Variants in GRM4 observed in about 807,000 individuals in gnomAD.
The protein encoded by GRM4 is glutamate metabotropic receptor 4, also known as metabotropic glutamate receptor 4.
Under a neutral mutation model 81.7 loss-of-function variants are expected in GRM4, and 28 were observed. That is an observed-to-expected ratio of 0.34 (90% CI 0.25 to 0.47). The LOEUF (loss-of-function observed/expected upper bound fraction) is 0.47. GRM4 is among the 20% of genes least tolerant of loss of function. GRM4 has a pLI of 1.00. For missense variants in GRM4, 948 were observed against 1,290.0 expected, an observed-to-expected ratio of 0.73 and a Z score of 4.06; for synonymous variants, 488 against 528.8, an observed-to-expected ratio of 0.92 and a Z score of 1.06.
At chr6:34,143,432 C>T (rs2127518331) in intron 1 of GRM4, among the ~76,000 whole-genome samples, 1 of 152,310 alleles carries the variant, frequency 6.6e-6, no homozygotes, top group East Asian at 1.9e-4. Flanking sequence ...TCAGCAGTCC[C>T]CAGGGCCTGC....
intron 6 of GRM4, chr6:34,054,421 C>G (rs1765765405): frequency 1.3e-5 from 2 of 152,172 alleles, no homozygotes. Context: ...GCCTCGGCCC[C>G]CCAAAGTGCT....
intron 1 of GRM4, among the ~76,000 whole-genome samples, chr6:34,144,743 T>A (rs1376542107): frequency 6.6e-6 from 1 of 152,034 alleles, no homozygotes; most frequent in African/African-American, 2.4e-5. Context: ...GATGCGCTAA[T>A]GCCGCCGCCC....
At chr6:34,140,821 T>C (rs986866154) in intron 1 of GRM4, among the ~76,000 whole-genome samples, 49 of 152,230 alleles carry the variant, frequency 3.2e-4, no homozygotes, top group African/African-American at 1.1e-3. Flanking sequence ...CTCCTCCCTC[T>C]TCCTGTCCCC....
At position 34,099,184 on chromosome 6, in the gene GRM4, C is replaced by T. The variant is rs181546139; in HGVS notation, c.520-7085G>A. On this transcript the variant is annotated intron_variant, in intron 2 of 10. Transcript: ENST00000538487. ...CAGGGCCTGGGGACCAGGCTGTCTG[C>T]GCACAGAGGTCCAGCCACAGGGGCT... is the stretch of plus-strand genomic sequence containing the variant. Among the ~76,000 whole-genome samples, 787 of 152,288 alleles carry T rather than the reference C, an allele frequency of 5.2e-3. 9 individuals carry two copies. The highest frequency in any genetic ancestry group is 0.017 in the African/African-American group (700 of 41,556).
chr6:34,045,127 C>T (rs1191434215), intron 6 of GRM4, among the ~76,000 whole-genome samples: 3 of 152,212 alleles, frequency 2.0e-5, no homozygotes, highest in Non-Finnish European at 4.4e-5. Context: ...CTAGGTGACT[C>T]CCCTGGCGGG....
rs954313583 is a variant in GRM4 at position 34,116,154 on chromosome 6, C to T, written c.519+16824G>A. The stretch of plus-strand genomic sequence containing the variant: ...TGAGGCCGAGTGAAATCAAAGTGGG[C>T]GAGCTGAAAAAGAGCAAGAAATTCC... On this transcript the variant is annotated intron_variant, in intron 2 of 10. Transcript: ENST00000538487. Among the ~76,000 whole-genome samples, 11 of 152,244 alleles carry T rather than the reference C, an allele frequency of 7.2e-5. No individual in the cohort carries two copies. The East Asian group carries it at 1.2e-3, about 16-fold the overall frequency.
rs199877596 is a variant in GRM4, at chr6:34,044,821, CACAT to C, written c.1169-4077_1169-4074del. ...ATACATACACATATATAGTCACACA[CACAT>C]AGACATACATACACATATATACATA... On this transcript the variant is annotated intron_variant, in intron 6 of 10. Transcript: ENST00000538487. 9.8e-4 allele frequency among the ~76,000 whole-genome samples: 147 copies of C among 150,534 alleles called. 2 individuals are homozygous for C. The East Asian group carries it at 0.021, about 21-fold the overall frequency.
chr6:34,067,577 C>T (rs547128644), intron 3 of GRM4, among the ~76,000 whole-genome samples: 1 of 148,602 alleles, frequency 6.7e-6, no homozygotes, highest in African/African-American at 2.5e-5. Context: ...TTCCTCTCTC[C>T]CTCCTTTCCT....
chr6:34,117,273 C>T lies in GRM4; in HGVS notation c.519+15705G>A, dbSNP rs533863880. Among the ~76,000 whole-genome samples the T allele has an allele frequency of 4.6e-3, 696 of 152,244 alleles. 4 individuals carry two copies. Among genetic ancestry groups the T allele is most frequent in the African/African-American group, 0.014 (579 of 41,526 alleles). ...AAGCTGGGGGGATTTAGAGACTGGC[C>T]TCGGGGGAAATGGAACTGAAAATGG... On this transcript the variant is annotated intron_variant, in intron 2 of 10. Coordinates refer to ENST00000538487, the MANE Select transcript of GRM4 (RefSeq NM_000841.4).
intron 6 of GRM4, among the ~76,000 whole-genome samples, chr6:34,041,007 T>C (rs1051730518): frequency 1.3e-5 from 2 of 152,104 alleles, no homozygotes; most frequent in African/African-American, 2.4e-5. Flanking sequence ...CCACCCAAGG[T>C]CCCAGAATAT....
At chr6:34,082,792 C>T (rs1767673875) in intron 3 of GRM4, among the ~76,000 whole-genome samples, 1 of 152,250 alleles carries the variant, frequency 6.6e-6, no homozygotes, top group Non-Finnish European at 1.5e-5. Flanking sequence ...CCCTGTTTGA[C>T]AAAGGTGGAA....
At chr6:34,072,555 CCACA>C (rs1157238379) in intron 3 of GRM4, among the ~76,000 whole-genome samples, 3 of 152,186 alleles carry the variant, frequency 2.0e-5, no homozygotes, top group South Asian at 2.1e-4. Context: ...TCACACATCA[CCACA>C]CAGATACACA....
chr6:34,132,541 T>G (rs1770283115), intron 2 of GRM4, among the ~76,000 whole-genome samples: 1 of 151,390 alleles, frequency 6.6e-6, no homozygotes, highest in African/African-American at 2.5e-5. Context: ...AGCATTCATA[T>G]TTCCATTCTT....
intron 1 of GRM4, among the ~76,000 whole-genome samples, chr6:34,139,764 G>C (rs1004931280): frequency 6.6e-6 from 1 of 152,208 alleles, no homozygotes; most frequent in African/African-American, 2.4e-5. Flanking sequence ...AGTGCGCCCG[G>C]TCCAGAGTGG....
intron 1 of GRM4, among the ~76,000 whole-genome samples, chr6:34,137,750 A>ATTTTT (rs5875495): frequency 9.6e-6 from 1 of 103,722 alleles, no homozygotes; most frequent in African/African-American, 3.5e-5. Flanking sequence ...TGCCCACATA[A>ATTTTT]TTTTTTTTTT....
At chr6:34,053,903 G>T (rs1285228783) in intron 6 of GRM4, among the ~76,000 whole-genome samples, 1 of 152,172 alleles carries the variant, frequency 6.6e-6, no homozygotes, top group Non-Finnish European at 1.5e-5. Flanking sequence ...CACGGCCTAG[G>T]CCCCACCCCT....
chr6:34,065,237 A>C (rs1766393728), intron 3 of GRM4, among the ~76,000 whole-genome samples: 2 of 152,118 alleles, frequency 1.3e-5, no homozygotes, highest in Non-Finnish European at 2.9e-5. Context: ...ACAGACCCAA[A>C]GTCACACCAA....
chr6:34,086,767 T>C (rs1406672806), intron 3 of GRM4, among the ~76,000 whole-genome samples: 1 of 152,214 alleles, frequency 6.6e-6, no homozygotes, highest in East Asian at 1.9e-4. Context: ...GAGCCTCTGT[T>C]TAGCCATTGG....
chr6:34,079,235 G>C (rs746250887), intron 3 of GRM4, among the ~76,000 whole-genome samples: 1 of 152,110 alleles, frequency 6.6e-6, no homozygotes, highest in Non-Finnish European at 1.5e-5. Flanking sequence ...CTTTCAGGAA[G>C]GCTGCCCCTC....
Sources: gnomAD v4.1 joint callset for allele counts (sites outside exome capture counted in the v4.1 genomes callset) on GRCh38, gnomAD v4.1.1 for gene constraint, MANE v1.5 for transcripts, NCBI Gene and HGNC (gene_info 2026-07-23, HGNC 2026-07-21) for gene names.